Variants in BBS12 observed in about 807,000 individuals in gnomAD.
The protein encoded by BBS12 is chaperonin-containing T-complex member BBS12.
Under a neutral mutation model 5.6 loss-of-function variants are expected in BBS12, and 5 were observed. The ratio of observed to expected loss-of-function variants is 0.89; its 90% CI spans 0.46 to 1.86. The LOEUF (loss-of-function observed/expected upper bound fraction) is 1.86, where lower values mean the gene tolerates loss of function less well. Among genes scored for constraint, BBS12 ranks in the 40% most tolerant of loss-of-function variants. The pLI is 0.01. For missense variants in BBS12, 748 were observed against 830.4 expected (o/e 0.90, Z 1.22); for synonymous variants, 308 against 306.8 (o/e 1.00, Z -0.04).
At chr4:122,715,330 A>G in the BBS12 span, among the ~76,000 whole-genome samples, 1 of 152,054 alleles carries the variant, frequency 6.6e-6, no homozygotes, top group Non-Finnish European at 1.5e-5. Context: ...GAAAAAAAAA[A>G]AAAAAAGCTC....
At chr4:122,716,529 T>TTATATATACATATGTG in the BBS12 span, among the ~76,000 whole-genome samples, 1 of 86,470 alleles carries the variant, frequency 1.2e-5, no homozygotes, top group Non-Finnish European at 2.1e-5. Context: ...CAAATTATAT[T>TTATATATACATATGTG]TATATATACA....
chr4:122,705,085 A>T, the BBS12 span, among the ~76,000 whole-genome samples: 3 of 152,302 alleles, frequency 2.0e-5, no homozygotes, highest in African/African-American at 7.2e-5. Flanking sequence ...TCACCATAAG[A>T]AGAACTTCTG....
intron 1 of BBS12, chr4:122,733,859 C>CTTTTTTT (rs35729794): frequency 7.4e-4 from 72 of 97,158 alleles, no homozygotes; most frequent in Non-Finnish European, 1.2e-3. Context: ...TAACTTTAGT[C>CTTTTTTT]TTTTTTTTTT....
At chr4:122,740,145 C>T (rs1800844488) in intron 1 of BBS12, among the ~76,000 whole-genome samples, 1 of 152,036 alleles carries the variant, frequency 6.6e-6, no homozygotes, top group African/African-American at 2.4e-5. Flanking sequence ...TGGTGGCATG[C>T]ACTTGTAGTC....
At chr4:122,714,566 G>T in the BBS12 span, among the ~76,000 whole-genome samples, 1 of 151,918 alleles carries the variant, frequency 6.6e-6, no homozygotes, top group Admixed American at 6.6e-5. Flanking sequence ...CATCACATGA[G>T]GTCAGGAGTT....
chr4:122,708,628 G>A, the BBS12 span, among the ~76,000 whole-genome samples: 4 of 152,032 alleles, frequency 2.6e-5, no homozygotes, highest in East Asian at 5.8e-4. Flanking sequence ...TTGGGATGTA[G>A]TATTATAAAT....
chr4:122,717,916 A>T, the BBS12 span, among the ~76,000 whole-genome samples: 1 of 152,198 alleles, frequency 6.6e-6, no homozygotes, highest in Non-Finnish European at 1.5e-5. Flanking sequence ...GAGAGGTAGT[A>T]GAGGATCGTG....
At chr4:122,721,471 A>G in the BBS12 span, among the ~76,000 whole-genome samples, 4 of 152,242 alleles carry the variant, frequency 2.6e-5, no homozygotes, top group Non-Finnish European at 5.9e-5. Context: ...TATTGTTTAA[A>G]TAGCCACCAC....
At chr4:122,710,736 G>A in the BBS12 span, among the ~76,000 whole-genome samples, 2 of 151,970 alleles carry the variant, frequency 1.3e-5, no homozygotes, top group Non-Finnish European at 2.9e-5. Flanking sequence ...GTATTGTTCA[G>A]TACTTTTCCA....
upstream of BBS12, chr4:122,732,023 T>C (rs564916617): frequency 6.6e-6 from 1 of 152,376 alleles, no homozygotes; most frequent in Admixed American, 6.5e-5. Context: ...GTTTTTAAAA[T>C]GATTTAGAAT....
Position 122,742,436 on chromosome 4 carries a change from C to G in BBS12, c.544C>G (p.Gln182Glu). The G allele has an allele frequency of 6.2e-7, 1 of 1,614,188 alleles. No homozygotes were observed. Among genetic ancestry groups the G allele is most frequent in the Non-Finnish European group, 8.5e-7 (1 of 1,180,028 alleles). Residue 182 changes from glutamine to glutamate, a missense_variant, in exon 2 of 2, where the codon CAA becomes GAA. Transcript: ENST00000314218. ...GCATGGTCTCAAAGATGTTGCCTCTCAAACACTGACCATTTCCAACCTTTC... is the reference window on the plus strand; with the variant it reads ...GCATGGTCTCAAAGATGTTGCCTCTGAAACACTGACCATTTCCAACCTTTC... ...ELHGLKDVASQTLTISNLSGR... is the reference protein window; with the variant it reads ...ELHGLKDVASETLTISNLSGR...
the BBS12 span, among the ~76,000 whole-genome samples, chr4:122,709,921 G>T: frequency 2.0e-5 from 3 of 152,110 alleles, no homozygotes; most frequent in East Asian, 5.8e-4. Context: ...CTCCCAAAGT[G>T]CTGGGATTGC....
At chr4:122,713,109 C>T in the BBS12 span, among the ~76,000 whole-genome samples, 10 of 152,010 alleles carry the variant, frequency 6.6e-5, no homozygotes, top group Non-Finnish European at 1.0e-4. Context: ...TTTCACTTTT[C>T]GACTTATTTA....
chr4:122,740,400 G>T (rs531721978), intron 1 of BBS12, among the ~76,000 whole-genome samples: 1 of 152,340 alleles, frequency 6.6e-6, no homozygotes, highest in East Asian at 1.9e-4. Flanking sequence ...TGAAGAGGAG[G>T]AGAAATGCCA....
upstream of BBS12, chr4:122,728,973 A>C (rs1457046608): frequency 6.6e-6 from 1 of 152,240 alleles, no homozygotes; most frequent in Non-Finnish European, 1.5e-5. Context: ...CGCCAAGGAA[A>C]ACAATGCAGT....
chr4:122,743,355 T>G lies in BBS12; in HGVS notation c.1463T>G (p.Ile488Ser), dbSNP rs1375913220. 1 of 1,614,058 alleles carries G rather than the reference T, an allele frequency of 6.2e-7. No homozygotes were observed. Among genetic ancestry groups the G allele is most frequent in the African/African-American group, 1.3e-5 (1 of 74,898 alleles). The change falls in exon 2 of 2, where the codon ATC (isoleucine) becomes AGC (serine). Residue 488 changes from isoleucine (I) to serine (S), a missense_variant. By Grantham distance (142) the Ile-to-Ser change is moderately radical. Transcript: ENST00000314218. ...GATGTTGTAGATAGGAACAACAGAA[T>G]CGCAATCTTATTAAAAACAGAAGGA... is the stretch of plus-strand genomic sequence containing the variant. ...PLDVVDRNNR[I>S]AILLKTEGIN... is the part of the protein sequence containing the mutation.
the BBS12 span, among the ~76,000 whole-genome samples, chr4:122,725,313 C>G: frequency 2.0e-5 from 3 of 152,136 alleles, no homozygotes; most frequent in African/African-American, 7.2e-5. Flanking sequence ...CAAAGCAAGA[C>G]TAAGCAAAAA....
the BBS12 span, among the ~76,000 whole-genome samples, chr4:122,726,614 ATATCCATGTT>A: frequency 6.6e-6 from 1 of 152,220 alleles, no homozygotes; most frequent in Non-Finnish European, 1.5e-5. Context: ...AGATACTTGC[ATATCCATGTT>A]TATAGCAACA....
the BBS12 span, among the ~76,000 whole-genome samples, chr4:122,723,145 C>A: frequency 1.3e-5 from 2 of 152,074 alleles, no homozygotes; most frequent in Admixed American, 6.5e-5. Flanking sequence ...AAATGCTGAA[C>A]AATTTGGTTG....
Sources: gnomAD v4.1 joint callset for allele counts (sites outside exome capture counted in the v4.1 genomes callset) on GRCh38, gnomAD v4.1.1 for gene constraint, MANE v1.5 for transcripts, NCBI Gene and HGNC (gene_info 2026-07-23, HGNC 2026-07-21) for gene names.